H6PD: variants seen among roughly 807,000 people sequenced by gnomAD.
H6PD encodes the protein hexose-6-phosphate dehydrogenase/glucose 1-dehydrogenase, also known as GDH/6PGL endoplasmic bifunctional protein.
In H6PD, 48 loss-of-function variants were observed where a neutral mutation model predicts 61.2. The observed-to-expected ratio is 0.78, with a 90% CI of 0.62 to 1.00. The LOEUF (loss-of-function observed/expected upper bound fraction) is 1.00, where lower values mean the gene tolerates loss of function less well. H6PD is among the 50% of genes least tolerant of loss of function. The pLI, the probability that H6PD is intolerant of heterozygous loss-of-function variation, is 0.00. For synonymous variants in H6PD, 480 were observed against 457.9 expected, an observed-to-expected ratio of 1.05 and a Z score of -0.62; for missense variants, 1,093 against 1,065.0, an observed-to-expected ratio of 1.03 and a Z score of -0.37.
chr1:9,247,613 C>T (rs1411057553), intron 3 of H6PD, among the ~76,000 whole-genome samples: 1 of 152,166 alleles, frequency 6.6e-6, no homozygotes, highest in Non-Finnish European at 1.5e-5. Context: ...CAGTGTTACC[C>T]TTGCCTCGTC....
intron 3 of H6PD, among the ~76,000 whole-genome samples, chr1:9,253,516 T>C (rs1641431248): frequency 1.3e-5 from 2 of 152,268 alleles, no homozygotes; most frequent in South Asian, 4.1e-4. Flanking sequence ...TGGACGTCTC[T>C]GAAGTTGGGT....
Position 9,244,977 on chromosome 1 carries a change from G to T in H6PD, c.43G>T (p.Gly15Cys), listed in dbSNP as rs1179343463. ...AGTGGCGATGTGCTTGGCCCTTCTGGGCTGCCTGCAAGCCCAGGAGCTCCA... is the reference window on the plus strand; with the variant it reads ...AGTGGCGATGTGCTTGGCCCTTCTGTGCTGCCTGCAAGCCCAGGAGCTCCA... ...LIVAMCLALL[G>C]CLQAQELQGH... is the part of the protein sequence containing the mutation. Residue 15 changes from glycine (G) to cysteine (C), a missense_variant, in exon 2 of 5, where the codon GGC (glycine) becomes TGC (cysteine). Gly to Cys is a radical substitution (Grantham distance 159). Transcript: ENST00000377403. 10 of 1,613,996 alleles carry T rather than the reference G, an allele frequency of 6.2e-6. No homozygotes were observed. In the East Asian group the frequency reaches 2.2e-4, roughly 36 times the overall value.
Position 9,262,158 on chromosome 1 carries a change from A to G in H6PD, c.845A>G (p.Asn282Ser), listed in dbSNP as rs746392304. 4 of 1,614,132 alleles carry G rather than the reference A, an allele frequency of 2.5e-6. No individual in the cohort carries two copies. Among genetic ancestry groups the G allele is most frequent in the South Asian group, 2.2e-5 (2 of 91,084 alleles). Residue 282 changes from asparagine to serine, a missense_variant, in exon 4 of 5, where the codon AAT becomes AGT. Physicochemically the swap from Asn to Ser is conservative, Grantham distance 46. Transcript: ENST00000377403. ...LTLVAMELPHNVSSAEAVLRH... is the reference protein window; with the variant it reads ...LTLVAMELPHSVSSAEAVLRH... ...CTCGTGGCCATGGAGCTGCCCCACA[A>G]TGTCAGCAGTGCGGAGGCTGTGCTG...
At chr1:9,246,886 C>A in intron 2 of H6PD, 80 bp from the exon 3 acceptor site, 1 of 966,502 alleles carries the variant, frequency 1.0e-6, no homozygotes, top group African/African-American at 1.6e-5. Context: ...ATAGAAAGGT[C>A]AGAGCCCTTC....
At chr1:9,241,999 A>G (rs1641013330) in intron 1 of H6PD, among the ~76,000 whole-genome samples, 1 of 152,210 alleles carries the variant, frequency 6.6e-6, no homozygotes, top group Non-Finnish European at 1.5e-5. Context: ...ATTCAGGAAC[A>G]ACCAGTTTTT....
At chr1:9,249,595 G>C (rs567320352) in intron 3 of H6PD, among the ~76,000 whole-genome samples, 2 of 152,152 alleles carry the variant, frequency 1.3e-5, no homozygotes, top group African/African-American at 2.4e-5. Flanking sequence ...AAGGCCTTTA[G>C]TACAGCTGGG....
Position 9,263,873 on chromosome 1 carries a change from C to T in H6PD, c.1380C>T (p.Val460=), listed in dbSNP as rs780419375. The change falls in exon 5 of 5, where the codon GTC becomes GTT. Residue 460 remains valine, a synonymous_variant. Coordinates refer to ENST00000377403, the MANE Select transcript of H6PD (RefSeq NM_004285.4). The part of the protein sequence containing the change: ...SPVRERDAHS[V]LLSHIFHGRK... ...TGCGGGAGCGGGACGCCCACTCCGTCCTCTTATCCCATATCTTCCATGGCC... is the reference window on the plus strand; with the variant it reads ...TGCGGGAGCGGGACGCCCACTCCGTTCTCTTATCCCATATCTTCCATGGCC... The T allele has an allele frequency of 1.2e-6, 2 of 1,614,030 alleles. No individual in the cohort carries two copies. Among genetic ancestry groups the T allele is most frequent in the Non-Finnish European group, 1.7e-6 (2 of 1,180,050 alleles).
intron 3 of H6PD, among the ~76,000 whole-genome samples, chr1:9,261,211 C>T (rs1638277479): frequency 6.6e-6 from 1 of 152,138 alleles, no homozygotes; most frequent in African/African-American, 2.4e-5. Context: ...CCTCCAGTGT[C>T]CCCCCTACAA....
intron 3 of H6PD, among the ~76,000 whole-genome samples, chr1:9,253,551 G>A (rs1027236894): frequency 1.3e-5 from 2 of 152,178 alleles, no homozygotes; most frequent in African/African-American, 2.4e-5. Flanking sequence ...GTGACATAGT[G>A]GAACTGGAAA....
At chr1:9,250,345 A>G (rs1641319427) in intron 3 of H6PD, among the ~76,000 whole-genome samples, 1 of 151,816 alleles carries the variant, frequency 6.6e-6, no homozygotes, top group African/African-American at 2.4e-5. Flanking sequence ...AGAGGGGTCA[A>G]AGTGCACGGC....
At position 9,263,931 on chromosome 1, in the gene H6PD, C is replaced by T. The variant is rs368731085; in HGVS notation, c.1438C>T (p.Leu480=). The change falls in exon 5 of 5, where the codon CTG becomes TTG. Residue 480 remains leucine (L), a synonymous_variant. Coordinates refer to ENST00000377403, the MANE Select transcript of H6PD (RefSeq NM_004285.4). ...TTTCTTCATCACCACAGAGAACTTG[C>T]TGGCCTCCTGGAACTTCTGGACCCC... ...KNFFITTENL[L]ASWNFWTPLL... is the part of the protein sequence containing the mutation. 154 of 1,614,192 alleles carry T rather than the reference C, an allele frequency of 9.5e-5. No individual in the cohort carries two copies. Among genetic ancestry groups the T allele is most frequent in the Non-Finnish European group, 1.2e-4 (141 of 1,180,020 alleles).
Position 9,245,141 on chromosome 1 carries a change from C to A in H6PD, c.207C>A (p.Ala69=). Residue 69 remains alanine (A), a synonymous_variant, in exon 2 of 5, where the codon GCC becomes GCA. Coordinates refer to ENST00000377403, the MANE Select transcript of H6PD (RefSeq NM_004285.4). This position sits in a 1 kb window ranked among gnomAD's most constrained non-coding sequence, Gnocchi z 4.8. ...GCTTCCATGGAGCTGCTCTGACAGC[C>A]CCCAAGCAGGGTCAAGAGCTCATGG... ...SFSFHGAALT[A]PKQGQELMAK... 1.2e-6 allele frequency: 2 copies of A among 1,614,224 alleles called. No individual in the cohort carries two copies. Among genetic ancestry groups the A allele is most frequent in the South Asian group, 1.1e-5 (1 of 91,088 alleles).
chr1:9,262,121 G>C lies in H6PD; in HGVS notation c.808G>C (p.Glu270Gln), dbSNP rs1356839353. Residue 270 changes from glutamate to glutamine, a missense_variant, in exon 4 of 5, where the codon GAG becomes CAG. Glu to Gln is a conservative substitution (Grantham distance 29). Coordinates refer to ENST00000377403, the MANE Select transcript of H6PD (RefSeq NM_004285.4). ...IRDVLQNHLT[E>Q]VLTLVAMELP... is the part of the protein sequence containing the mutation. ...CGACGTCCTCCAGAACCATCTGACG[G>C]AGGTCCTCACCCTCGTGGCCATGGA... 1.9e-6 allele frequency: 3 copies of C among 1,614,202 alleles called. No individual in the cohort carries two copies. The highest frequency in any genetic ancestry group is 3.3e-5 in the Admixed American group (2 of 60,034).
chr1:9,247,938 G>GT (rs1641237176), intron 3 of H6PD, among the ~76,000 whole-genome samples: 1 of 152,224 alleles, frequency 6.6e-6, no homozygotes. Flanking sequence ...AGTTTACTGT[G>GT]TCCCCAGTCC....
chr1:9,246,878 A>G (rs1641190927), intron 2 of H6PD, 88 bp from the exon 3 acceptor site: 2 of 886,042 alleles, frequency 2.3e-6, no homozygotes, highest in Non-Finnish European at 3.9e-6. Context: ...AGCAGGGAAT[A>G]GAAAGGTCAG....
Position 9,239,774 on chromosome 1 carries a change from C to T in H6PD, c.-11+4708C>T, listed in dbSNP as rs1381573205. 9.1e-5 allele frequency: 35 copies of T among 385,932 alleles called. No homozygotes were observed. In the South Asian group the frequency reaches 1.0e-3, roughly 11 times the overall value. 23.9% of individuals were successfully genotyped at this position (385,932 alleles called of 1,614,324 possible). A position where few individuals can be genotyped will look rare whatever the true frequency, so the allele number is the denominator to read the frequency against. On this transcript the variant is annotated intron_variant, in intron 1 of 4. Coordinates refer to ENST00000377403, the MANE Select transcript of H6PD (RefSeq NM_004285.4). ...GGGCAGCAGCAGACATTGACCTTTA[C>T]CTCCCGCTCCTCTCTCCCACCCCTT... is the stretch of plus-strand genomic sequence containing the variant.
At chr1:9,236,710 C>T (rs1640858844) in intron 1 of H6PD, among the ~76,000 whole-genome samples, 1 of 149,464 alleles carries the variant, frequency 6.7e-6, no homozygotes, top group South Asian at 2.1e-4. Context: ...TTCTTGGGTG[C>T]TTACTGTATG....
At chr1:9,239,460 G>T (rs572542617) in intron 1 of H6PD, among the ~76,000 whole-genome samples, 24 of 152,254 alleles carry the variant, frequency 1.6e-4, no homozygotes, top group Admixed American at 1.5e-3. Flanking sequence ...TTGATAGCAG[G>T]CTTGATTTTT....
intron 4 of H6PD, among the ~76,000 whole-genome samples, 161 bp downstream of exon 4, chr1:9,262,489 T>C (rs1638356475): frequency 6.6e-6 from 1 of 152,220 alleles, no homozygotes; most frequent in Admixed American, 6.5e-5. Context: ...CCTGGCCTCC[T>C]ACCAGCCTAA....
Sources: gnomAD v4.1 joint callset for allele counts (sites outside exome capture counted in the v4.1 genomes callset) on GRCh38, gnomAD v4.1.1 for gene constraint, Gnocchi (gnomAD v3.1) non-coding constraint, MANE v1.5 for transcripts, NCBI Gene and HGNC (gene_info 2026-07-23, HGNC 2026-07-21) for gene names.